Variants in TMEM150C observed in about 807,000 individuals in gnomAD.
TMEM150C encodes the protein transmembrane protein 150C.
Under a neutral mutation model 29.9 loss-of-function variants are expected in TMEM150C, and 10 were observed. The observed-to-expected ratio is 0.33, with a 90% CI of 0.21 to 0.57. TMEM150C has a LOEUF of 0.57. TMEM150C is among the 20% of genes least tolerant of loss of function. TMEM150C has a pLI of 0.88. For missense variants in TMEM150C, 251 were observed against 303.6 expected (o/e 0.83, Z 1.29); for synonymous variants, 101 against 112.5 (o/e 0.90, Z 0.64).
At chr4:82,517,078 T>C (rs576864486) in intron 1 of TMEM150C, among the ~76,000 whole-genome samples, 1 of 152,332 alleles carries the variant, frequency 6.6e-6, no homozygotes, top group African/African-American at 2.4e-5. Flanking sequence ...TTCCAAAGCC[T>C]GTTGGTGCTC....
At chr4:82,548,494 A>G (rs765552733) in intron 1 of TMEM150C, among the ~76,000 whole-genome samples, 4 of 152,166 alleles carry the variant, frequency 2.6e-5, no homozygotes, top group Non-Finnish European at 5.9e-5. Flanking sequence ...TCCCAGGGCA[A>G]GTCTACCATC....
chr4:82,556,498 GTGT>G (rs1434104048), intron 1 of TMEM150C, among the ~76,000 whole-genome samples: 1 of 152,158 alleles, frequency 6.6e-6, no homozygotes, highest in Non-Finnish European at 1.5e-5. Context: ...ACTACAGTAA[GTGT>G]TGTAAGAAAA....
At chr4:82,522,681 C>T (rs1382879246) in intron 1 of TMEM150C, among the ~76,000 whole-genome samples, 1 of 152,156 alleles carries the variant, frequency 6.6e-6, no homozygotes, top group Non-Finnish European at 1.5e-5. Flanking sequence ...GGTACGGGGA[C>T]ATCTGCAATG....
intron 1 of TMEM150C, among the ~76,000 whole-genome samples, chr4:82,550,738 C>T (rs961572434): frequency 6.6e-6 from 1 of 150,892 alleles, no homozygotes; most frequent in East Asian, 2.0e-4. Context: ...TGCAGTGAGC[C>T]GAGATCGCAC....
At chr4:82,557,435 A>T (rs1725768560) in intron 1 of TMEM150C, among the ~76,000 whole-genome samples, 1 of 152,116 alleles carries the variant, frequency 6.6e-6, no homozygotes, top group Non-Finnish European at 1.5e-5. Flanking sequence ...AGAGTGCGAG[A>T]GTTGTGCATC....
At chr4:82,506,614 CG>C (rs1168039503) in intron 1 of TMEM150C, among the ~76,000 whole-genome samples, 1 of 152,184 alleles carries the variant, frequency 6.6e-6, no homozygotes, top group Non-Finnish European at 1.5e-5. Context: ...ACTATTTATA[CG>C]TAACATTCTA....
At chr4:82,492,894 ATATATG>A (rs1723416124) in intron 6 of TMEM150C, among the ~76,000 whole-genome samples, 2 of 138,016 alleles carry the variant, frequency 1.4e-5, no homozygotes, top group African/African-American at 5.4e-5. Context: ...ATATATATAT[ATATATG>A]TATTTGAGAT....
chr4:82,507,710 ACTCT>A (rs1215011397), intron 1 of TMEM150C, among the ~76,000 whole-genome samples: 6,246 of 96,400 alleles, frequency 0.065, 851 homozygotes, highest in East Asian at 0.085. Context: ...TATTAAATTA[ACTCT>A]CTCTCTCTCT....
At position 82,517,552 on chromosome 4, in the gene TMEM150C, C is replaced by T. The variant is rs537834663; in HGVS notation, c.-10-12885G>A. Among the ~76,000 whole-genome samples the T allele has an allele frequency of 3.3e-5, 5 of 152,324 alleles. No homozygotes were observed. In the East Asian group the frequency reaches 5.8e-4, roughly 18 times the overall value. ...GAGGAATGAATTCTCTCTTTTCTTGCGCTGGAACACCCATCTTCTACTGCC... is the reference window on the plus strand; with the variant it reads ...GAGGAATGAATTCTCTCTTTTCTTGTGCTGGAACACCCATCTTCTACTGCC... On this transcript the variant is annotated intron_variant, in intron 1 of 7. Coordinates refer to ENST00000449862, the MANE Select transcript of TMEM150C (RefSeq NM_001080506.3).
chr4:82,487,891 T>C (rs1420071688), intron 7 of TMEM150C, among the ~76,000 whole-genome samples: 1 of 152,178 alleles, frequency 6.6e-6, no homozygotes, highest in Non-Finnish European at 1.5e-5. Context: ...TGAATTGATA[T>C]ACTTTATTTC....
At chr4:82,524,909 TCAAA>T (rs1325077599) in intron 1 of TMEM150C, among the ~76,000 whole-genome samples, 2 of 152,232 alleles carry the variant, frequency 1.3e-5, no homozygotes, top group East Asian at 1.9e-4. Flanking sequence ...AAGGGACCGC[TCAAA>T]CAAAGGCACA....
intron 6 of TMEM150C, among the ~76,000 whole-genome samples, chr4:82,492,192 G>A (rs991541727): frequency 9.2e-5 from 14 of 152,000 alleles, no homozygotes; most frequent in Non-Finnish European, 7.4e-5. Flanking sequence ...GCAGTAGTGC[G>A]ATCTCCACTC....
Position 82,490,122 on chromosome 4 carries a change from T to C in TMEM150C, c.480A>G (p.Gly160=), listed in dbSNP as rs1324782957. The C allele has an allele frequency of 6.2e-7, 1 of 1,613,998 alleles. No homozygotes were observed. The highest frequency in any genetic ancestry group is 1.3e-5 in the African/African-American group (1 of 75,058). Residue 160 remains glycine (G), a synonymous_variant, in exon 7 of 8, where the codon GGA becomes GGG. Coordinates refer to ENST00000449862, the MANE Select transcript of TMEM150C (RefSeq NM_001080506.3). ...TAACCCGTGGAATTCCAACTCTCCG[T>C]CCTTCATTCTTGATGTTGACCTTGA... The part of the protein sequence containing the change: ...LTLKVNIKNE[G]RRVGIPRVIL...
At chr4:82,557,772 C>T (rs1217899159) in intron 1 of TMEM150C, among the ~76,000 whole-genome samples, 3 of 140,646 alleles carry the variant, frequency 2.1e-5, no homozygotes. Context: ...CTAGCTCTGT[C>T]GCCCAGGCTG....
chr4:82,502,731 G>C lies in TMEM150C; in HGVS notation c.231C>G (p.Phe77Leu), dbSNP rs2110069107. 3 of 1,609,218 alleles carry C rather than the reference G, an allele frequency of 1.9e-6. No homozygotes were observed. In the East Asian group the frequency reaches 6.7e-5, roughly 36 times the overall value. Residue 77 changes from phenylalanine to leucine, a missense_variant, in exon 5 of 8, where the codon TTC becomes TTG. Phe to Leu is a conservative substitution (Grantham distance 22). Coordinates refer to ENST00000449862, the MANE Select transcript of TMEM150C (RefSeq NM_001080506.3). ...VFSQVMNMAAFLALVVAVLRF... is the reference protein window; with the variant it reads ...VFSQVMNMAALLALVVAVLRF... ...CGTTCTTTACCCTCTTCTTACCTAG[G>C]AAGGCTGCCATGTTCATAACTTGAC...
At chr4:82,553,776 A>T (rs1315149521) in intron 1 of TMEM150C, among the ~76,000 whole-genome samples, 1 of 152,238 alleles carries the variant, frequency 6.6e-6, no homozygotes, top group African/African-American at 2.4e-5. Context: ...CAGTGGCTTG[A>T]TCTTAAAAGA....
At chr4:82,505,097 T>C (rs1262020913) in intron 1 of TMEM150C, among the ~76,000 whole-genome samples, 9 of 152,342 alleles carry the variant, frequency 5.9e-5, no homozygotes, top group South Asian at 2.1e-4. Flanking sequence ...ATGATTCAAA[T>C]TGGTATCATT....
At chr4:82,505,265 T>C (rs1428909708) in intron 1 of TMEM150C, among the ~76,000 whole-genome samples, 2 of 152,160 alleles carry the variant, frequency 1.3e-5, no homozygotes, top group Non-Finnish European at 2.9e-5. Context: ...CAAGCTGGTC[T>C]TGAACTCCTG....
At chr4:82,540,926 A>T in intron 1 of TMEM150C, among the ~76,000 whole-genome samples, 1 of 152,202 alleles carries the variant, frequency 6.6e-6, no homozygotes, top group Non-Finnish European at 1.5e-5. Flanking sequence ...GATCTTGTGA[A>T]CTTATTCTTC....
Sources: allele counts gnomAD v4.1 joint callset (sites outside exome capture counted in the v4.1 genomes callset), GRCh38; gene constraint gnomAD v4.1.1; transcripts MANE v1.5; gene names NCBI Gene and HGNC (gene_info 2026-07-23, HGNC 2026-07-21).